IL1R1: variants seen among roughly 807,000 people sequenced by gnomAD.
IL1R1 encodes interleukin-1 receptor type 1.
IL1R1 carries 22 observed loss-of-function variants against 50.2 expected under a neutral mutation model. That is an observed-to-expected ratio of 0.44 (90% CI 0.31 to 0.63). The LOEUF (loss-of-function observed/expected upper bound fraction) is 0.63. Among genes scored for constraint, IL1R1 ranks in the 20% least tolerant of loss-of-function variants. IL1R1 has a pLI of 0.07. For missense variants in IL1R1, 509 were observed against 676.2 expected (o/e 0.75, Z 2.74); for synonymous variants, 251 against 236.7 (o/e 1.06, Z -0.55).
intron 1 of IL1R1, among the ~76,000 whole-genome samples, chr2:102,124,936 A>ACCTC (rs1681616226): frequency 6.6e-6 from 1 of 151,352 alleles, no homozygotes; most frequent in Non-Finnish European, 1.5e-5. Context: ...AAAAAATAAG[A>ACCTC]CCTCCTGAGA....
chr2:102,127,614 C>A (rs1161909661), intron 1 of IL1R1, among the ~76,000 whole-genome samples: 2 of 151,670 alleles, frequency 1.3e-5, no homozygotes, highest in Admixed American at 6.6e-5. Flanking sequence ...TGCTAGGAAA[C>A]CCCAGTAGGG....
At chr2:102,123,775 CTTAAT>C (rs1479781886) in intron 1 of IL1R1, among the ~76,000 whole-genome samples, 1 of 117,430 alleles carries the variant, frequency 8.5e-6, no homozygotes, top group African/African-American at 3.7e-5. Flanking sequence ...GAGACTGTGT[CTTAAT>C]AAAATAAAAT....
chr2:102,172,655 AC>A (rs1685789952), intron 8 of IL1R1, 31 bp from the exon 9 acceptor site: 24 of 1,555,604 alleles, frequency 1.5e-5, no homozygotes, highest in Non-Finnish European at 2.0e-5. Flanking sequence ...CAATTAACTT[AC>A]ACAAGTTTAT....
chr2:102,157,696 C>T (rs758655834), intron 2 of IL1R1, 23 bp from the exon 3 acceptor site: 12 of 1,530,884 alleles, frequency 7.8e-6, no homozygotes, highest in Non-Finnish European at 1.1e-5. Context: ...TTTTGTCTTT[C>T]TTTCGTTCCT....
In IL1R1 at chr2:102,164,884, T is replaced by C. The variant is rs201100543; in HGVS notation, c.172T>C (p.Tyr58His). Residue 58 changes from tyrosine to histidine, a missense_variant, in exon 4 of 12, where the codon TAT becomes CAT. Coordinates refer to ENST00000410023, the MANE Select transcript of IL1R1 (RefSeq NM_000877.4). ...TGAACACAAAGGCACTATAACTTGG[T>C]ATAAAGATGACAGCAAGACACCTGT... is the stretch of plus-strand genomic sequence containing the variant. ...PNEHKGTITWYKDDSKTPVST... is the reference protein window; with the variant it reads ...PNEHKGTITWHKDDSKTPVST... The C allele has an allele frequency of 8.7e-6, 14 of 1,614,068 alleles. No homozygotes were observed. Among genetic ancestry groups the C allele is most frequent in the Non-Finnish European group, 1.2e-5 (14 of 1,179,940 alleles).
At chr2:102,127,657 CTGTGTGTGTGTGTGTG>C (rs60587758) in intron 1 of IL1R1, among the ~76,000 whole-genome samples, 6 of 144,842 alleles carry the variant, frequency 4.1e-5, no homozygotes, top group Admixed American at 6.9e-5. Context: ...GTGTGTGTGA[CTGTGTGTGTGTGTGTG>C]TGTGTGTGTG....
At chr2:102,127,960 T>C (rs1294850370) in intron 1 of IL1R1, among the ~76,000 whole-genome samples, 1 of 152,214 alleles carries the variant, frequency 6.6e-6, no homozygotes, top group East Asian at 1.9e-4. Context: ...AACCTTTTGT[T>C]TCCTTTAAGT....
chr2:102,165,001 G>A lies in IL1R1; in HGVS notation c.289G>A (p.Val97Met), dbSNP rs1488308636. The change falls in exon 4 of 12, where the codon GTG (valine) becomes ATG (methionine). Residue 97 changes from valine (V) to methionine (M), a missense_variant. Transcript: ENST00000410023. ...KVEDSGHYYC[V>M]VRNSSYCLRI... Reference sequence around the variant, plus strand: ...GGAGGATTCAGGACATTACTATTGCGTGGTAAGGTAAGAGAGGAATTAGTA... The same window carrying A: ...GGAGGATTCAGGACATTACTATTGCATGGTAAGGTAAGAGAGGAATTAGTA... The A allele has an allele frequency of 2.0e-5, 33 of 1,612,106 alleles. No individual in the cohort carries two copies. The highest frequency in any genetic ancestry group is 2.5e-5 in the Non-Finnish European group (29 of 1,178,800).
upstream of IL1R1, among the ~76,000 whole-genome samples, chr2:102,100,374 C>A (rs1458324985): frequency 2.0e-5 from 3 of 152,144 alleles, no homozygotes; most frequent in African/African-American, 7.2e-5. Context: ...CAGGATGGAA[C>A]CAAATACCTG....
intron 1 of IL1R1, among the ~76,000 whole-genome samples, chr2:102,105,512 C>G (rs1680355715): frequency 6.6e-6 from 1 of 151,414 alleles, no homozygotes; most frequent in Non-Finnish European, 1.5e-5. Flanking sequence ...CTATAGGCGC[C>G]TGCCACCATG....
chr2:102,124,575 C>A (rs918165469), intron 1 of IL1R1, among the ~76,000 whole-genome samples: 7 of 152,138 alleles, frequency 4.6e-5, no homozygotes, highest in Non-Finnish European at 7.3e-5. Context: ...GACATGGTGG[C>A]AGGCGGGAGA....
intron 1 of IL1R1, among the ~76,000 whole-genome samples, chr2:102,148,513 T>G (rs527733847): frequency 6.6e-6 from 1 of 152,340 alleles, no homozygotes; most frequent in African/African-American, 2.4e-5. Context: ...AAGTGATGCT[T>G]CTTTGAAGCC....
chr2:102,135,563 C>T (rs890276107), intron 1 of IL1R1, among the ~76,000 whole-genome samples: 1 of 152,132 alleles, frequency 6.6e-6, no homozygotes, highest in Non-Finnish European at 1.5e-5. Context: ...AGGATTTGAT[C>T]AAGCAATGAA....
chr2:102,086,129 T>C (rs1679419117), intron 1 of IL1R1, among the ~76,000 whole-genome samples: 1 of 152,208 alleles, frequency 6.6e-6, no homozygotes, highest in African/African-American at 2.4e-5. Context: ...TAATAATCTG[T>C]ACATGCTTGT....
chr2:102,116,817 A>G (rs952822473), intron 1 of IL1R1, among the ~76,000 whole-genome samples: 1 of 151,884 alleles, frequency 6.6e-6, no homozygotes, highest in African/African-American at 2.4e-5. Flanking sequence ...AGCACTTTCT[A>G]CTCTTGGTCC....
In IL1R1 at chr2:102,070,967, C is replaced by T. The variant is rs536051975; in HGVS notation, c.-84+434C>T. Among the ~76,000 whole-genome samples, 8 of 151,852 alleles carry T rather than the reference C, an allele frequency of 5.3e-5. 1 individual carries two copies. In the South Asian group the frequency reaches 1.7e-3, roughly 32 times the overall value. ...TTACTTCTAGAGATTAAGACACATTCTTTTTCAAGATAGACATGGAACTGT... is the reference window on the plus strand; with the variant it reads ...TTACTTCTAGAGATTAAGACACATTTTTTTTCAAGATAGACATGGAACTGT... On this transcript the variant is annotated intron_variant, in intron 1 of 11. Coordinates refer to the IL1R1 transcript ENST00000409929.
At position 102,165,136 on chromosome 2, in the gene IL1R1, A is replaced by T. The variant is rs201711520; in HGVS notation, c.318A>T (p.Arg106Ser). ...CVVRNSSYCL[R>S]IKISAKFVEN... ...TTAGAAATTCATCTTACTGCCTCAG[A>T]ATTAAAATAAGTGCAAAATTTGTGG... The change falls in exon 5 of 12, where the codon AGA becomes AGT. Residue 106 changes from arginine (R) to serine (S), a missense_variant. Coordinates refer to ENST00000410023, the MANE Select transcript of IL1R1 (RefSeq NM_000877.4). 1.0e-5 allele frequency: 16 copies of T among 1,576,104 alleles called. No homozygotes were observed. The African/African-American group carries it at 1.2e-4, about 12-fold the overall frequency.
In IL1R1 at chr2:102,085,416, A is replaced by G. The variant is rs138087805; in HGVS notation, c.-84+14883A>G. ...GGTATTAAGCAGTGGCTCAAGGTTC[A>G]ATTTTCATTTCTCCATTTGACTATC... On this transcript the variant is annotated intron_variant, in intron 1 of 11. Transcript: ENST00000409929. Among the ~76,000 whole-genome samples the G allele has an allele frequency of 0.012, 1,826 of 152,298 alleles. 55 individuals carry two copies. In the South Asian group the frequency reaches 0.13, roughly 11 times the overall value.
At chr2:102,112,691 A>G (rs1014991033) in intron 1 of IL1R1, among the ~76,000 whole-genome samples, 1 of 152,190 alleles carries the variant, frequency 6.6e-6, no homozygotes, top group Non-Finnish European at 1.5e-5. Context: ...ATAAAACTTG[A>G]AATGTGTCTG....
Sources: gnomAD v4.1 joint callset for allele counts (sites outside exome capture counted in the v4.1 genomes callset) on GRCh38, gnomAD v4.1.1 for gene constraint, MANE v1.5 for transcripts, NCBI Gene and HGNC (gene_info 2026-07-23, HGNC 2026-07-21) for gene names.